The following DNAH6 variants were observed in gnomAD, a reference collection of about 807,000 sequenced individuals.
The protein encoded by DNAH6 is axonemal beta dynein heavy chain 6.
A neutral mutation model predicts 491.4 loss-of-function variants in DNAH6; 340 were observed. The observed-to-expected ratio is 0.69, with a 90% CI of 0.63 to 0.76. The LOEUF is 0.76. Ranked by LOEUF, DNAH6 falls within the 30% of genes least tolerant of loss-of-function variation. The pLI, the probability that DNAH6 is intolerant of heterozygous loss-of-function variation, is 0.00. For synonymous variants in DNAH6, 1,603 were observed against 1,686.1 expected (o/e 0.95, Z 1.21); for missense variants, 4,443 against 4,972.2 (o/e 0.89, Z 3.20).
At chr2:84,741,808 C>T (rs1553483583) in intron 62 of DNAH6, among the ~76,000 whole-genome samples, 1 of 152,206 alleles carries the variant, frequency 6.6e-6, no homozygotes, top group Non-Finnish European at 1.5e-5. Context: ...TGTGGGTTCC[C>T]TTTCTAGAGA....
chr2:84,666,439 G>A (rs952534901), intron 37 of DNAH6, among the ~76,000 whole-genome samples: 8 of 152,150 alleles, frequency 5.3e-5, no homozygotes, highest in Non-Finnish European at 7.4e-5. Flanking sequence ...AAAATCACAA[G>A]CATTCCTATA....
intron 61 of DNAH6, among the ~76,000 whole-genome samples, chr2:84,732,694 T>C (rs542893953): frequency 1.3e-5 from 2 of 152,324 alleles, no homozygotes; most frequent in South Asian, 4.1e-4. Flanking sequence ...ATGTTCTAAA[T>C]TGTGATGGTG....
At chr2:84,733,003 G>A (rs1699244593) in intron 61 of DNAH6, among the ~76,000 whole-genome samples, 1 of 152,184 alleles carries the variant, frequency 6.6e-6, no homozygotes, top group Non-Finnish European at 1.5e-5. Context: ...TCTTACCACA[G>A]CTAGAATAAG....
rs1692635693 is a variant in DNAH6 at position 84,670,591 on chromosome 2, T to G, written c.6454+116T>G. The G allele has an allele frequency of 5.1e-6, 4 of 780,928 alleles. No homozygotes were observed. The East Asian group carries it at 1.1e-4, about 22-fold the overall frequency. 48.4% of individuals were successfully genotyped at this position (780,928 alleles called of 1,614,324 possible). On this transcript the variant is annotated intron_variant, in intron 39 of 76. Transcript: ENST00000389394. ...ATATTTTATTTGCTTAATTTACTTG[T>G]AAAGGTGATTCTGTTCATGGCATTT...
upstream of DNAH6, chr2:84,516,477 T>C (rs1675602001): frequency 6.6e-6 from 1 of 152,182 alleles, no homozygotes. Flanking sequence ...GCCAGCTGGT[T>C]GCTACGCAGC....
chr2:84,573,905 C>A (rs1228952028), intron 12 of DNAH6, among the ~76,000 whole-genome samples: 1 of 152,102 alleles, frequency 6.6e-6, no homozygotes, highest in Non-Finnish European at 1.5e-5. Context: ...GGAATGGATA[C>A]CTCTACCAAT....
chr2:84,637,139 C>T lies in DNAH6; in HGVS notation c.4654-71C>T, dbSNP rs6709276. ...TGCTTCATTACATGAGTCTTGTATT[C>T]GAGTAATAATTAGGTGAAAAATTTT... On this transcript the variant is annotated intron_variant, in intron 30 of 76. Transcript: ENST00000389394. 18,742 of 1,319,320 alleles carry T rather than the reference C, an allele frequency of 0.014. 2,040 individuals are homozygous for T. The African/African-American group carries it at 0.24, about 17-fold the overall frequency. The allele number at this position is 1,319,320 out of a possible 1,614,324, so 81.7% of individuals were successfully genotyped here. A position where few individuals can be genotyped will look rare whatever the true frequency, so the allele number is the denominator to read the frequency against.
At chr2:84,763,364 T>C (rs185261458) in intron 64 of DNAH6, among the ~76,000 whole-genome samples, 37 of 152,266 alleles carry the variant, frequency 2.4e-4, no homozygotes, top group African/African-American at 6.3e-4. Flanking sequence ...ACAAGGGGGA[T>C]GTTTAAACTT....
chr2:84,812,500 C>G lies in DNAH6; in HGVS notation c.11899C>G (p.Leu3967Val). The change falls in exon 73 of 77, where the codon CTT (leucine) becomes GTT (valine). Residue 3967 changes from leucine to valine, a missense_variant. This residue lies in a region of DNAH6 where 1,463 missense variants were observed against 1,656.6 expected (regional missense o/e 0.88). Transcript: ENST00000389394. ...LKPLGSWVKD[L>V]ILRTSFVDLW... ...GCCACTAGGATCATGGGTCAAAGACCTTATCCTGAGGACCTCATTTGTGGA... is the reference window on the plus strand; with the variant it reads ...GCCACTAGGATCATGGGTCAAAGACGTTATCCTGAGGACCTCATTTGTGGA... The G allele has an allele frequency of 6.4e-7, 1 of 1,551,082 alleles. No individual in the cohort carries two copies. Among genetic ancestry groups the G allele is most frequent in the Non-Finnish European group, 8.7e-7 (1 of 1,146,852 alleles).
chr2:84,698,628 C>T (rs1695607932), intron 47 of DNAH6, among the ~76,000 whole-genome samples: 1 of 152,194 alleles, frequency 6.6e-6, no homozygotes, highest in African/African-American at 2.4e-5. Flanking sequence ...ATAATAGCTC[C>T]AGGATAGTTT....
chr2:84,746,417 C>T (rs902483809), intron 63 of DNAH6, among the ~76,000 whole-genome samples: 97 of 152,026 alleles, frequency 6.4e-4, no homozygotes, highest in Non-Finnish European at 2.8e-4. Flanking sequence ...TCATGGAAGC[C>T]AAGGAGGTGC....
Position 84,617,189 on chromosome 2 carries a change from G to C in DNAH6, c.3572+207G>C, listed in dbSNP as rs1686939545. Reference sequence around the variant, plus strand: ...ATTCAATAAATAGTTAAGTGGGTAAGTAAGATGCTGAAACAATTTTTTTTA... The same window carrying C: ...ATTCAATAAATAGTTAAGTGGGTAACTAAGATGCTGAAACAATTTTTTTTA... On this transcript the variant is annotated intron_variant, in intron 23 of 76. Coordinates refer to ENST00000389394, the MANE Select transcript of DNAH6 (RefSeq NM_001370.2). Among the ~76,000 whole-genome samples the C allele has an allele frequency of 2.0e-5, 3 of 150,618 alleles. No individual in the cohort carries two copies. In the South Asian group the frequency reaches 6.3e-4, roughly 31 times the overall value.
chr2:84,500,420 AT>A, the DNAH6 span, among the ~76,000 whole-genome samples: 1 of 152,036 alleles, frequency 6.6e-6, no homozygotes, highest in Non-Finnish European at 1.5e-5. Context: ...CCATGCTGTT[AT>A]GGTTACTATA....
At chr2:84,472,082 T>G in the DNAH6 span, among the ~76,000 whole-genome samples, 4 of 152,158 alleles carry the variant, frequency 2.6e-5, no homozygotes, top group African/African-American at 9.7e-5. Context: ...TTATTTTCCT[T>G]TTGTCCTGTC....
intron 57 of DNAH6, among the ~76,000 whole-genome samples, chr2:84,714,793 C>T (rs534608063): frequency 2.6e-5 from 4 of 151,504 alleles, no homozygotes; most frequent in Non-Finnish European, 5.9e-5. Context: ...ATCCCATTTC[C>T]AGGAACCTCA....
intron 18 of DNAH6, among the ~76,000 whole-genome samples, chr2:84,599,911 A>G (rs1368438948): frequency 6.6e-6 from 1 of 152,200 alleles, no homozygotes; most frequent in African/African-American, 2.4e-5. Context: ...CTTATGGTCC[A>G]AAAACATACT....
At chr2:84,728,673 TCATTATAAAG>T in intron 61 of DNAH6, among the ~76,000 whole-genome samples, 1 of 152,326 alleles carries the variant, frequency 6.6e-6, no homozygotes. Flanking sequence ...GAGATGTATC[TCATTATAAAG>T]CATGGGAAGT....
At chr2:84,649,463 A>T (rs1690212341) in intron 33 of DNAH6, among the ~76,000 whole-genome samples, 1 of 152,058 alleles carries the variant, frequency 6.6e-6, no homozygotes, top group Non-Finnish European at 1.5e-5. Context: ...TTCATGGTAG[A>T]TCTGCTGGCT....
At chr2:84,699,837 T>A in intron 48 of DNAH6, 103 bp downstream of exon 48, 1 of 1,095,564 alleles carries the variant, frequency 9.1e-7, no homozygotes, top group Non-Finnish European at 1.3e-6. Context: ...GTATTAGCTT[T>A]AAAGCCTACT....
Sources: gnomAD v4.1 joint callset for allele counts (sites outside exome capture counted in the v4.1 genomes callset) on GRCh38, gnomAD v4.1.1 for gene constraint, gnomAD v4.1.1 regional missense constraint, MANE v1.5 for transcripts, NCBI Gene and HGNC (gene_info 2026-07-23, HGNC 2026-07-21) for gene names.